RBPJ: variants seen among roughly 807,000 people sequenced by gnomAD.
RBPJ encodes the protein recombination signal binding protein for immunoglobulin kappa J region, also known as recombining binding protein suppressor of hairless.
RBPJ carries 9 observed loss-of-function variants against 67.8 expected under a neutral mutation model. The ratio of observed to expected loss-of-function variants is 0.13; its 90% CI spans 0.08 to 0.23. The LOEUF is 0.23. Ranked by LOEUF, RBPJ falls within the 10% of genes least tolerant of loss-of-function variation. The pLI is 1.00. For missense variants in RBPJ, 305 were observed against 595.6 expected (o/e 0.51, Z 5.08); for synonymous variants, 198 against 203.3 (o/e 0.97, Z 0.22).
intron 1 of RBPJ, among the ~76,000 whole-genome samples, chr4:26,200,088 C>G (rs1047066435): frequency 6.6e-6 from 1 of 152,190 alleles, no homozygotes; most frequent in Non-Finnish European, 1.5e-5. Flanking sequence ...TTCGCCACCT[C>G]AAGGGCAGAG....
the RBPJ span, among the ~76,000 whole-genome samples, chr4:26,150,228 C>T: frequency 2.0e-5 from 3 of 152,222 alleles, no homozygotes; most frequent in Non-Finnish European, 4.4e-5. Context: ...TTCCCTATCA[C>T]GTGTTGCACA....
chr4:26,123,803 T>G, the RBPJ span, among the ~76,000 whole-genome samples: 1 of 152,156 alleles, frequency 6.6e-6, no homozygotes, highest in African/African-American at 2.4e-5. Flanking sequence ...TCAATATCAC[T>G]ATCTTCACCC....
chr4:26,335,519 CT>C (rs1221005125), intron 1 of RBPJ, among the ~76,000 whole-genome samples: 1 of 151,516 alleles, frequency 6.6e-6, no homozygotes, highest in Admixed American at 6.6e-5. Context: ...GCGTTCTCTT[CT>C]TTTTGCTCGC....
chr4:26,171,959 C>A (rs562835768), intron 1 of RBPJ, among the ~76,000 whole-genome samples: 1 of 152,150 alleles, frequency 6.6e-6, no homozygotes, highest in African/African-American at 2.4e-5. Context: ...TCTCTGGATC[C>A]GGTAAGTGGG....
chr4:26,321,469 C>G (rs1352722725), intron 1 of RBPJ: 3 of 152,074 alleles, frequency 2.0e-5, no homozygotes, highest in Non-Finnish European at 2.9e-5. Flanking sequence ...CGCTGCGACT[C>G]TCTACCCCCG....
At chr4:26,108,834 G>C in the RBPJ span, among the ~76,000 whole-genome samples, 31 of 152,172 alleles carry the variant, frequency 2.0e-4, no homozygotes, top group Non-Finnish European at 3.7e-4. Flanking sequence ...TGAAAGCTAT[G>C]TGGCTTTGCA....
intron 1 of RBPJ, among the ~76,000 whole-genome samples, chr4:26,220,790 C>T (rs1427617958): frequency 2.0e-5 from 3 of 152,210 alleles, no homozygotes; most frequent in Non-Finnish European, 2.9e-5. Flanking sequence ...GTGTTTGTTC[C>T]AGATGACCCA....
At chr4:26,158,776 C>A (rs1334109450), upstream of RBPJ, among the ~76,000 whole-genome samples, 1 of 152,152 alleles carries the variant, frequency 6.6e-6, no homozygotes, top group Non-Finnish European at 1.5e-5. Context: ...CTTGGCTTTA[C>A]CAGGAAAACC....
the RBPJ span, among the ~76,000 whole-genome samples, chr4:26,149,056 C>T: frequency 6.6e-6 from 1 of 152,222 alleles, no homozygotes; most frequent in East Asian, 1.9e-4. Context: ...GGCCACATTT[C>T]CCTCACTGGC....
Position 26,433,107 on chromosome 4 carries a change from A to G in RBPJ, c.*2100A>G, listed in dbSNP as rs1736375387. The G allele has an allele frequency of 6.6e-6, 1 of 152,112 alleles. No homozygotes were observed. The highest frequency in any genetic ancestry group is 1.5e-5 in the Non-Finnish European group (1 of 68,010). 9.4% of individuals were successfully genotyped at this position (152,112 alleles called of 1,614,324 possible). On this transcript the variant is annotated 3_prime_UTR_variant, in exon 11 of 11. Coordinates refer to ENST00000355476, the MANE Select transcript of RBPJ (RefSeq NM_015874.6). ...ATTCTATATCGCCTTTTTTCTTCAA[A>G]TCTGCTCCAATCACTCACTTCTCTC...
At chr4:26,337,357 A>G (rs546381712) in intron 1 of RBPJ, among the ~76,000 whole-genome samples, 4 of 152,192 alleles carry the variant, frequency 2.6e-5, no homozygotes, top group East Asian at 1.9e-4. Flanking sequence ...TTGTTCTTCC[A>G]TCTGTCCTTC....
At chr4:26,365,952 C>T (rs1728578077) in intron 1 of RBPJ, among the ~76,000 whole-genome samples, 1 of 152,220 alleles carries the variant, frequency 6.6e-6, no homozygotes, top group African/African-American at 2.4e-5. Flanking sequence ...TGGTTATCAA[C>T]TCATAGATCA....
the RBPJ span, among the ~76,000 whole-genome samples, chr4:26,138,431 C>T: frequency 6.6e-6 from 1 of 151,660 alleles, no homozygotes; most frequent in South Asian, 2.1e-4. Flanking sequence ...ACCAAGCCCA[C>T]ATGTTTAACT....
At chr4:26,230,414 C>T (rs1413577147) in intron 1 of RBPJ, among the ~76,000 whole-genome samples, 1 of 152,162 alleles carries the variant, frequency 6.6e-6, no homozygotes, top group Non-Finnish European at 1.5e-5. Flanking sequence ...AGGCATTGTT[C>T]CAAGTGCTTT....
chr4:26,346,855 G>C (rs1050509880), intron 1 of RBPJ, among the ~76,000 whole-genome samples: 1 of 152,032 alleles, frequency 6.6e-6, no homozygotes. Flanking sequence ...AGCTGGGCAT[G>C]GTGGCATGCA....
chr4:26,270,090 C>A (rs377345028), intron 1 of RBPJ, among the ~76,000 whole-genome samples: 12 of 151,218 alleles, frequency 7.9e-5, no homozygotes, highest in Non-Finnish European at 1.5e-5. Flanking sequence ...AAGACCAGTC[C>A]GGGCAACATG....
chr4:26,366,057 G>T (rs1291522347), intron 1 of RBPJ, among the ~76,000 whole-genome samples: 1 of 152,084 alleles, frequency 6.6e-6, no homozygotes, highest in Non-Finnish European at 1.5e-5. Context: ...AAACAGAAAA[G>T]AACAAAATAG....
rs1721724484 is a variant in RBPJ at position 26,293,041 on chromosome 4, A to G, written c.-166-69405A>G. On this transcript the variant is annotated intron_variant, in intron 1 of 4. Coordinates refer to the RBPJ transcript ENST00000512351. ...GGATCTGTATACTATGGACACTTGGATATAGCTGGAGCACAAGGTACAGGG... is the reference window on the plus strand; with the variant it reads ...GGATCTGTATACTATGGACACTTGGGTATAGCTGGAGCACAAGGTACAGGG... Among the ~76,000 whole-genome samples the G allele has an allele frequency of 2.0e-5, 3 of 150,550 alleles. 1 individual carries two copies. The highest frequency in any genetic ancestry group is 7.3e-5 in the African/African-American group (3 of 40,876).
At chr4:26,220,803 C>T (rs1001913235) in intron 1 of RBPJ, among the ~76,000 whole-genome samples, 1 of 152,216 alleles carries the variant, frequency 6.6e-6, no homozygotes, top group African/African-American at 2.4e-5. Context: ...ATGACCCACC[C>T]AGGGCTAAGG....
Sources: allele counts gnomAD v4.1 joint callset (sites outside exome capture counted in the v4.1 genomes callset), GRCh38; gene constraint gnomAD v4.1.1; transcripts MANE v1.5; gene names NCBI Gene and HGNC (gene_info 2026-07-23, HGNC 2026-07-21).